Variants in PCDHGA6 observed in about 807,000 individuals in gnomAD.
PCDHGA6 encodes the protein protocadherin gamma subfamily A, 6.
A neutral mutation model predicts 60.6 loss-of-function variants in PCDHGA6; 41 were observed. That is an observed-to-expected ratio of 0.68 (90% CI 0.53 to 0.88). The LOEUF (loss-of-function observed/expected upper bound fraction) is 0.88. PCDHGA6 is among the 40% of genes least tolerant of loss of function. The pLI, the probability that PCDHGA6 is intolerant of heterozygous loss-of-function variation, is 0.00. For synonymous variants in PCDHGA6, 594 were observed against 524.4 expected, an observed-to-expected ratio of 1.13 and a Z score of -1.81; for missense variants, 1,312 against 1,203.0, an observed-to-expected ratio of 1.09 and a Z score of -1.34.
intron 1 of PCDHGA6, among the ~76,000 whole-genome samples, chr5:141,479,817 A>T (rs773702225): frequency 6.6e-6 from 1 of 152,230 alleles, no homozygotes; most frequent in Non-Finnish European, 1.5e-5. Flanking sequence ...CAAGGATACT[A>T]TCCAAGGCAT....
chr5:141,490,363 C>A lies in PCDHGA6; in HGVS notation c.2425-4444C>A. The A allele has an allele frequency of 6.2e-7, 1 of 1,614,154 alleles. No individual in the cohort carries two copies. Among genetic ancestry groups the A allele is most frequent in the South Asian group, 1.1e-5 (1 of 91,078 alleles). On this transcript the variant is annotated intron_variant, in intron 1 of 3. Coordinates refer to ENST00000517434, the MANE Select transcript of PCDHGA6 (RefSeq NM_018919.3). The surrounding 1 kb of genome is among the most constrained non-coding windows in gnomAD (Gnocchi z 5.4). Reference sequence around the variant, plus strand: ...CACAGTAGTGGGGTTGTTTAATGTGCGAGACCGGGACTCAGGTAGAAATGG... The same window carrying A: ...CACAGTAGTGGGGTTGTTTAATGTGAGAGACCGGGACTCAGGTAGAAATGG...
intron 1 of PCDHGA6, chr5:141,388,466 G>A (rs1426666369): frequency 6.2e-7 from 1 of 1,613,812 alleles, no homozygotes. Flanking sequence ...ACCCTGAGAT[G>A]GTATTGAAGA....
intron 1 of PCDHGA6, among the ~76,000 whole-genome samples, chr5:141,484,030 T>G (rs1290301073): frequency 6.6e-6 from 1 of 151,022 alleles, no homozygotes; most frequent in African/African-American, 2.4e-5. Flanking sequence ...TGAGATCAAG[T>G]CTCCAGCTCC....
At chr5:141,445,964 T>C (rs1199096510) in intron 1 of PCDHGA6, among the ~76,000 whole-genome samples, 2 of 152,280 alleles carry the variant, frequency 1.3e-5, no homozygotes, top group South Asian at 4.1e-4. Context: ...ATATGGAGAA[T>C]TGATTTATGA....
At chr5:141,452,673 G>A (rs2098746812) in intron 1 of PCDHGA6, among the ~76,000 whole-genome samples, 1 of 151,896 alleles carries the variant, frequency 6.6e-6, no homozygotes, top group Non-Finnish European at 1.5e-5. Flanking sequence ...CTCCAGCCTA[G>A]GCCACAGAAT....
At chr5:141,424,300 AAC>A (rs1370166165) in intron 1 of PCDHGA6, 2 of 152,504 alleles carry the variant, frequency 1.3e-5, no homozygotes, top group Non-Finnish European at 2.9e-5. Context: ...TCATCCTATC[AAC>A]ACAGACATAT....
chr5:141,491,571 C>CT lies in PCDHGA6; in HGVS notation c.2425-3232dup. On this transcript the variant is annotated intron_variant, in intron 1 of 3. Coordinates refer to ENST00000517434, the MANE Select transcript of PCDHGA6 (RefSeq NM_018919.3). The surrounding 1 kb of genome is among the most constrained non-coding windows in gnomAD (Gnocchi z 6.9). ...CGCAGAGCCACTGCTACAGGACGTG[C>CT]TTTTCACCGGCCTCGGACGGCAGTG... 6.2e-7 allele frequency: 1 copy of CT among 1,614,026 alleles called. No homozygotes were observed. Among genetic ancestry groups the CT allele is most frequent in the Non-Finnish European group, 8.5e-7 (1 of 1,180,042 alleles).
chr5:141,388,341 A>G, intron 1 of PCDHGA6: 1 of 1,614,036 alleles, frequency 6.2e-7, no homozygotes, highest in Non-Finnish European at 8.5e-7. Flanking sequence ...CACACGATTT[A>G]TATTAGGATC....
At chr5:141,393,527 T>A in intron 1 of PCDHGA6, 10 of 1,613,990 alleles carry the variant, frequency 6.2e-6, no homozygotes, top group Non-Finnish European at 6.8e-6. Context: ...CAAATGACAA[T>A]GCCCCGGTTT....
At chr5:141,507,865 T>C (rs2099864402) in intron 3 of PCDHGA6, among the ~76,000 whole-genome samples, 1 of 152,128 alleles carries the variant, frequency 6.6e-6, no homozygotes. Context: ...CACACCCGCT[T>C]CCTAGCCCTG....
At chr5:141,385,413 G>T in intron 1 of PCDHGA6, 1 of 1,472,024 alleles carries the variant, frequency 6.8e-7, no homozygotes, top group South Asian at 1.5e-5. Context: ...TGAAAATAGG[G>T]ATTTAAAAAA....
rs1269856662 is a variant in PCDHGA6, at chr5:141,375,833, C to A, written c.1750C>A (p.Pro584Thr). The change falls in exon 1 of 4, where the codon CCC becomes ACC. Residue 584 changes from proline to threonine, a missense_variant. Coordinates refer to ENST00000517434, the MANE Select transcript of PCDHGA6 (RefSeq NM_018919.3). The stretch of plus-strand genomic sequence containing the variant: ...GGAGCTGGCGCCCCGCTCCGCAGAG[C>A]CCGGCTACCTGGTGACCAAGGTGGT... The part of the protein sequence containing the change: ...GVELAPRSAE[P>T]GYLVTKVVAV... 6.2e-7 allele frequency: 1 copy of A among 1,614,034 alleles called. No homozygotes were observed. Among genetic ancestry groups the A allele is most frequent in the Non-Finnish European group, 8.5e-7 (1 of 1,180,048 alleles).
chr5:141,463,176 C>CA (rs2099054640), intron 1 of PCDHGA6, among the ~76,000 whole-genome samples: 1 of 152,100 alleles, frequency 6.6e-6, no homozygotes, highest in African/African-American at 2.4e-5. Flanking sequence ...TATGTATGCT[C>CA]AGATTATTAT....
At chr5:141,422,166 T>A (rs370704205) in intron 1 of PCDHGA6, 1 of 1,569,256 alleles carries the variant, frequency 6.4e-7, no homozygotes, top group African/African-American at 1.4e-5. Context: ...TTGAAAAATA[T>A]AGATTCTATG....
Position 141,375,646 on chromosome 5 carries a change from C to G in PCDHGA6, c.1563C>G (p.Asp521Glu), listed in dbSNP as rs765389165. The G allele has an allele frequency of 1.2e-6, 2 of 1,614,228 alleles. No homozygotes were observed. The highest frequency in any genetic ancestry group is 1.7e-6 in the Non-Finnish European group (2 of 1,180,030). Residue 521 changes from aspartate to glutamate, a missense_variant, in exon 1 of 4, where the codon GAC becomes GAG. Coordinates refer to ENST00000517434, the MANE Select transcript of PCDHGA6 (RefSeq NM_018919.3). ...TTCTGTACGCCCTGCGCTCCTTCGA[C>G]TATGAGCAGTTGAGAGACCTACAGC... ...TGILYALRSF[D>E]YEQLRDLQLW...
chr5:141,383,714 G>C, intron 1 of PCDHGA6: 1 of 1,613,972 alleles, frequency 6.2e-7, no homozygotes, highest in Non-Finnish European at 8.5e-7. Flanking sequence ...CTGGACGAGG[G>C]AGTCAATGGG....
At chr5:141,397,725 C>T (rs1292048088) in intron 1 of PCDHGA6, among the ~76,000 whole-genome samples, 1 of 152,180 alleles carries the variant, frequency 6.6e-6, no homozygotes, top group Non-Finnish European at 1.5e-5. Flanking sequence ...ATTTGGAAAA[C>T]AGAGAAAGAT....
At chr5:141,385,891 T>C (rs1366389515) in intron 1 of PCDHGA6, 2 of 152,892 alleles carry the variant, frequency 1.3e-5, no homozygotes, top group African/African-American at 4.8e-5. Flanking sequence ...AAGAATGAAA[T>C]GTGTGTGTAT....
At chr5:141,383,526 C>T in intron 1 of PCDHGA6, 1 of 1,612,534 alleles carries the variant, frequency 6.2e-7, no homozygotes, top group Non-Finnish European at 8.5e-7. Flanking sequence ...GGGTTCACCA[C>T]CTGGTCCTCA....
Sources: allele counts gnomAD v4.1 joint callset (sites outside exome capture counted in the v4.1 genomes callset), GRCh38; gene constraint gnomAD v4.1.1; non-coding constraint Gnocchi (gnomAD v3.1); transcripts MANE v1.5; gene names NCBI Gene and HGNC (gene_info 2026-07-23, HGNC 2026-07-21).